KSR2: variants seen among roughly 807,000 people sequenced by gnomAD.
KSR2 encodes kinase suppressor of ras 2.
A neutral mutation model predicts 107.8 loss-of-function variants in KSR2; 25 were observed. The ratio of observed to expected loss-of-function variants is 0.23; its 90% CI spans 0.17 to 0.32. The LOEUF is 0.32. Among genes scored for constraint, KSR2 ranks in the 10% least tolerant of loss-of-function variants. KSR2 has a pLI of 1.00. For missense variants in KSR2, 887 were observed against 1,268.9 expected (o/e 0.70, Z 4.57); for synonymous variants, 480 against 507.0 (o/e 0.95, Z 0.71).
At chr12:117,560,375 C>T (rs1213364008) in intron 7 of KSR2, among the ~76,000 whole-genome samples, 1 of 151,556 alleles carries the variant, frequency 6.6e-6, no homozygotes, top group Non-Finnish European at 1.5e-5. Flanking sequence ...GCTCTGAATT[C>T]CTCTCTGAAA....
chr12:117,764,480 G>A (rs1015653323), intron 3 of KSR2, among the ~76,000 whole-genome samples: 6 of 151,984 alleles, frequency 3.9e-5, no homozygotes, highest in African/African-American at 1.5e-4. Context: ...CCAAAACTTC[G>A]GCCACCTCAA....
At chr12:117,526,302 T>C (rs1875160571) in intron 13 of KSR2, among the ~76,000 whole-genome samples, 1 of 151,942 alleles carries the variant, frequency 6.6e-6, no homozygotes, top group South Asian at 2.1e-4. Flanking sequence ...TGGGGGCGAA[T>C]TGCCTCTTGG....
chr12:117,616,686 T>C (rs1393712976), intron 5 of KSR2, among the ~76,000 whole-genome samples: 1 of 152,220 alleles, frequency 6.6e-6, no homozygotes, highest in African/African-American at 2.4e-5. Context: ...TTACTGAGAC[T>C]GTATCACAGC....
chr12:117,606,714 T>C (rs1400672865), intron 5 of KSR2, among the ~76,000 whole-genome samples: 2 of 143,692 alleles, frequency 1.4e-5, no homozygotes, highest in Non-Finnish European at 3.0e-5. Context: ...CTCCCCTTCT[T>C]CCTCCCTTCC....
intron 3 of KSR2, among the ~76,000 whole-genome samples, chr12:117,845,103 A>G (rs1374839037): frequency 6.6e-6 from 1 of 152,122 alleles, no homozygotes. Context: ...CCAAGATAGC[A>G]CCACTGCACT....
chr12:117,736,015 A>C (rs751444286), intron 4 of KSR2, among the ~76,000 whole-genome samples: 1 of 152,208 alleles, frequency 6.6e-6, no homozygotes, highest in Non-Finnish European at 1.5e-5. Flanking sequence ...TCCATGAAGA[A>C]TGTCTGCCTC....
At chr12:117,555,422 A>G (rs1877612798) in intron 8 of KSR2, 129 bp from the exon 9 acceptor site, 5 of 859,108 alleles carry the variant, frequency 5.8e-6, no homozygotes, top group Non-Finnish European at 9.2e-6. Flanking sequence ...ACTAAAAGTG[A>G]TAATGATTCT....
intron 5 of KSR2, among the ~76,000 whole-genome samples, chr12:117,628,850 G>A (rs1882664669): frequency 6.6e-6 from 1 of 152,264 alleles, no homozygotes; most frequent in African/African-American, 2.4e-5. Flanking sequence ...AGCTGCTGTG[G>A]GCTCCGCCCA....
intron 14 of KSR2, among the ~76,000 whole-genome samples, chr12:117,518,854 C>T (rs1874557286): frequency 6.6e-6 from 1 of 152,334 alleles, no homozygotes; most frequent in East Asian, 1.9e-4. Context: ...ATTGCTAGAT[C>T]CTAGCTCAAA....
chr12:117,594,190 C>A (rs1290913987), intron 5 of KSR2, among the ~76,000 whole-genome samples: 1 of 152,162 alleles, frequency 6.6e-6, no homozygotes, highest in African/African-American at 2.4e-5. Context: ...GTCCACAGAA[C>A]AAAGGGCTGC....
chr12:117,571,438 C>T (rs1214947688), intron 7 of KSR2, among the ~76,000 whole-genome samples: 2 of 152,032 alleles, frequency 1.3e-5, no homozygotes, highest in African/African-American at 4.8e-5. Flanking sequence ...GGATTTTGCA[C>T]CCCTGAAAAA....
Position 117,539,969 on chromosome 12 carries a change from G to A in KSR2, c.1519-82C>T. On this transcript the variant is annotated intron_variant, in intron 9 of 19. Transcript: ENST00000339824. ...AGAAAGAGTGGGCTGAGCAGGAGAGGCCCCCACCCCAGCCCCTGCAACAAT... is the reference window on the plus strand; with the variant it reads ...AGAAAGAGTGGGCTGAGCAGGAGAGACCCCCACCCCAGCCCCTGCAACAAT... The A allele has an allele frequency of 1.7e-6, 2 of 1,185,398 alleles. 1 individual carries two copies. Among genetic ancestry groups the A allele is most frequent in the South Asian group, 2.8e-5 (2 of 72,092 alleles). 73.4% of individuals were successfully genotyped at this position (1,185,398 alleles called of 1,614,324 possible).
chr12:117,560,339 G>T (rs1471029942), intron 7 of KSR2, among the ~76,000 whole-genome samples: 1 of 152,042 alleles, frequency 6.6e-6, no homozygotes, highest in Non-Finnish European at 1.5e-5. Context: ...TTTTTCTCTT[G>T]TTTGGTCTTT....
At chr12:117,949,366 G>A (rs1896293080) in intron 1 of KSR2, among the ~76,000 whole-genome samples, 2 of 151,274 alleles carry the variant, frequency 1.3e-5, no homozygotes, top group African/African-American at 2.4e-5. Flanking sequence ...CATATCTCAC[G>A]AAGAATTGTA....
intron 4 of KSR2, among the ~76,000 whole-genome samples, chr12:117,682,279 G>A (rs1565959006): frequency 6.6e-6 from 1 of 152,024 alleles, no homozygotes; most frequent in African/African-American, 2.4e-5. Context: ...GGGGGCGGGG[G>A]GAGAGAGAAC....
chr12:117,968,916 G>A lies in KSR2; in HGVS notation c.-661C>T. ...CGCTGCTGCTGCTGCTGCTGCTGCC[G>A]CCGCCGGGCTCCGGGGGTGACGGTT... is the stretch of plus-strand genomic sequence containing the variant. On this transcript the variant is annotated 5_prime_UTR_variant, in exon 1 of 20. Transcript: ENST00000339824. 2.0e-5 allele frequency: 5 copies of A among 255,584 alleles called. No individual in the cohort carries two copies. The highest frequency in any genetic ancestry group is 4.9e-5 in the Admixed American group (1 of 20,266). 15.8% of individuals were successfully genotyped at this position (255,584 alleles called of 1,614,324 possible).
intron 3 of KSR2, among the ~76,000 whole-genome samples, chr12:117,792,275 G>C (rs867940002): frequency 6.6e-6 from 1 of 152,084 alleles, no homozygotes; most frequent in South Asian, 2.1e-4. Flanking sequence ...GCTTAAGCCC[G>C]GGAGGTCGAG....
At chr12:117,542,188 G>A (rs1212522516) in intron 9 of KSR2, among the ~76,000 whole-genome samples, 3 of 151,980 alleles carry the variant, frequency 2.0e-5, no homozygotes, top group East Asian at 1.9e-4. Flanking sequence ...CAATGCGGTC[G>A]GCCTCCTTAT....
intron 4 of KSR2, among the ~76,000 whole-genome samples, chr12:117,673,788 A>G (rs116666008): frequency 9.2e-5 from 14 of 152,342 alleles, no homozygotes; most frequent in African/African-American, 3.4e-4. Flanking sequence ...TAAAAAGAAC[A>G]TTCTTTCCCG....
Sources: gnomAD v4.1 joint callset for allele counts (sites outside exome capture counted in the v4.1 genomes callset) on GRCh38, gnomAD v4.1.1 for gene constraint, MANE v1.5 for transcripts, NCBI Gene and HGNC (gene_info 2026-07-23, HGNC 2026-07-21) for gene names.